Variants in EPHA6 observed in about 807,000 individuals in gnomAD.
EPHA6 encodes the protein ephrin type-A receptor 6.
A neutral mutation model predicts 112.0 loss-of-function variants in EPHA6; 50 were observed. The ratio of observed to expected loss-of-function variants is 0.45; its 90% confidence interval spans 0.36 to 0.56. The LOEUF (loss-of-function observed/expected upper bound fraction) is 0.56, where lower values mean the gene tolerates loss of function less well. EPHA6 is among the 20% of genes least tolerant of loss of function. The pLI is 0.00. For missense variants in EPHA6, 1,280 were observed against 1,417.4 expected (o/e 0.90, Z 1.56); for synonymous variants, 529 against 490.7 (o/e 1.08, Z -1.03).
In EPHA6 at chr3:97,754,991, C is replaced by T. The variant is rs1355689755; in HGVS notation, c.*6290C>T. On this transcript the variant is annotated 3_prime_UTR_variant, in exon 18 of 18. Transcript: ENST00000389672. ...GTGGTGGGATTACAGGCGTGAGCCA[C>T]CGCGCCCGGCCACAAAGTTTTCTTT... Among the ~76,000 whole-genome samples, 4 of 152,258 alleles carry T rather than the reference C, an allele frequency of 2.6e-5. No individual in the cohort carries two copies. Among genetic ancestry groups the T allele is most frequent in the African/African-American group, 9.6e-5 (4 of 41,468 alleles).
At chr3:96,936,476 C>T (rs2107670809) in intron 2 of EPHA6, among the ~76,000 whole-genome samples, 1 of 151,660 alleles carries the variant, frequency 6.6e-6, no homozygotes. Context: ...ACTTTTCAAG[C>T]TCTTTTGTGT....
intron 7 of EPHA6, 39 bp from the exon 8 acceptor site, chr3:97,475,313 G>A: frequency 6.9e-7 from 1 of 1,442,684 alleles, no homozygotes; most frequent in Middle Eastern, 1.8e-4. Context: ...ATAGTGAAAT[G>A]TCACCCAGGG....
chr3:97,532,466 A>G lies in EPHA6; in HGVS notation c.2309A>G (p.Asp770Gly). 1 of 1,612,462 alleles carries G rather than the reference A, an allele frequency of 6.2e-7. No individual in the cohort carries two copies. The highest frequency in any genetic ancestry group is 8.5e-7 in the Non-Finnish European group (1 of 1,178,924). ...KGGHMDRQRRDFLREASIMGQ... is the reference protein window; with the variant it reads ...KGGHMDRQRRGFLREASIMGQ... ...GGCCACATGGATCGGCAAAGAAGAG[A>G]TTTTCTAAGAGAAGCTAGTATCATG... Residue 770 changes from aspartate to glycine, a missense_variant, in exon 11 of 18, where the codon GAT becomes GGT. Asp to Gly is a moderately conservative substitution (Grantham distance 94, BLOSUM62 -1). Coordinates refer to ENST00000389672, the MANE Select transcript of EPHA6 (RefSeq NM_001080448.3).
chr3:97,710,985 T>C (rs1456105074), intron 14 of EPHA6, among the ~76,000 whole-genome samples: 1 of 152,204 alleles, frequency 6.6e-6, no homozygotes, highest in Non-Finnish European at 1.5e-5. Flanking sequence ...CATCCAACCA[T>C]GGATAGAGAT....
rs138976841 is a variant in EPHA6 at position 97,203,660 on chromosome 3, GGGAGTCA to G, written c.1115-22590_1115-22584del. On this transcript the variant is annotated intron_variant, in intron 3 of 17. Transcript: ENST00000389672. Reference sequence around the variant, plus strand: ...GAGGGAAAAAACAAAAAAACAGTTTGGGAGTCAGGAGTCAGGAGTCTTGAACTCGGAA... The same window carrying G: ...GAGGGAAAAAACAAAAAAACAGTTTGGGAGTCAGGAGTCTTGAACTCGGAA... Among the ~76,000 whole-genome samples the G allele has an allele frequency of 5.7e-3, 866 of 152,136 alleles. 6 individuals are homozygous for G. The highest frequency in any genetic ancestry group is 0.02 in the African/African-American group (837 of 41,526).
At chr3:97,177,632 C>T (rs2076872948) in intron 3 of EPHA6, among the ~76,000 whole-genome samples, 2 of 151,288 alleles carry the variant, frequency 1.3e-5, no homozygotes, top group South Asian at 2.1e-4. Context: ...CTGTGTGCTC[C>T]AGTGTTTGGT....
intron 14 of EPHA6, among the ~76,000 whole-genome samples, chr3:97,641,850 G>A (rs1238950288): frequency 6.6e-6 from 1 of 151,978 alleles, no homozygotes; most frequent in Admixed American, 6.5e-5. Flanking sequence ...CAAGGCGGCA[G>A]CGAGGCTGGG....
At chr3:97,389,109 T>C (rs2086250628) in intron 5 of EPHA6, among the ~76,000 whole-genome samples, 1 of 152,170 alleles carries the variant, frequency 6.6e-6, no homozygotes, top group Non-Finnish European at 1.5e-5. Context: ...GACAAATTCA[T>C]ACAAATTAGT....
At chr3:97,724,363 AGACCTAAC>A (rs2034661287) in intron 15 of EPHA6, among the ~76,000 whole-genome samples, 2 of 152,190 alleles carry the variant, frequency 1.3e-5, no homozygotes, top group Non-Finnish European at 2.9e-5. Flanking sequence ...AGTCCATAAA[AGACCTAAC>A]AAAATATAAT....
chr3:97,421,585 TA>T (rs1437835791), intron 6 of EPHA6, among the ~76,000 whole-genome samples: 2 of 152,166 alleles, frequency 1.3e-5, no homozygotes, highest in African/African-American at 4.8e-5. Flanking sequence ...TAATGTCTAA[TA>T]AAAATTCTAG....
intron 5 of EPHA6, among the ~76,000 whole-genome samples, chr3:97,271,158 A>C (rs1433428174): frequency 6.6e-6 from 1 of 152,252 alleles, no homozygotes; most frequent in African/African-American, 2.4e-5. Flanking sequence ...TTACACCAGT[A>C]CACCAGGTGT....
intron 1 of EPHA6, among the ~76,000 whole-genome samples, chr3:96,839,336 G>T (rs1444691209): frequency 1.3e-5 from 2 of 152,024 alleles, no homozygotes; most frequent in Non-Finnish European, 2.9e-5. Context: ...ACACATGTGA[G>T]GGATCTAGGT....
At chr3:97,742,282 C>T (rs1446217438) in intron 16 of EPHA6, among the ~76,000 whole-genome samples, 1 of 152,100 alleles carries the variant, frequency 6.6e-6, no homozygotes, top group Non-Finnish European at 1.5e-5. Flanking sequence ...GACATGAGAC[C>T]TATTTTCTGA....
chr3:97,145,917 C>T (rs903224270), intron 3 of EPHA6, among the ~76,000 whole-genome samples: 4 of 151,264 alleles, frequency 2.6e-5, no homozygotes, highest in Admixed American at 2.6e-4. Flanking sequence ...ATCTAGTATT[C>T]ATATTTACCT....
chr3:97,022,788 C>G (rs930066766), intron 3 of EPHA6, among the ~76,000 whole-genome samples: 5 of 152,144 alleles, frequency 3.3e-5, no homozygotes, highest in Non-Finnish European at 7.3e-5. Flanking sequence ...AGAGGCTGGT[C>G]AAGATTCAAA....
rs886323939 is a variant in EPHA6, at chr3:97,112,939, G to A, written c.1115-113325G>A. Among the ~76,000 whole-genome samples, 9 of 152,060 alleles carry A rather than the reference G, an allele frequency of 5.9e-5. No homozygotes were observed. In the East Asian group the frequency reaches 1.8e-3, roughly 30 times the overall value. Reference sequence around the variant, plus strand: ...ACTCAGAATCATTGTTTTTCTATCAGGTCATGTTTGTGAACCTAAGAGTTC... The same window carrying A: ...ACTCAGAATCATTGTTTTTCTATCAAGTCATGTTTGTGAACCTAAGAGTTC... On this transcript the variant is annotated intron_variant, in intron 3 of 17. Transcript: ENST00000389672.
At chr3:96,984,059 C>T (rs774428549) in intron 2 of EPHA6, among the ~76,000 whole-genome samples, 23 of 152,290 alleles carry the variant, frequency 1.5e-4, no homozygotes, top group Admixed American at 2.6e-4. Flanking sequence ...AACTCGTCAA[C>T]GTCATTCTCC....
intron 3 of EPHA6, among the ~76,000 whole-genome samples, chr3:97,137,804 C>T (rs533137892): frequency 2.8e-4 from 43 of 152,092 alleles, no homozygotes; most frequent in African/African-American, 1.0e-3. Context: ...TGTAACAAAC[C>T]TGCACGTTGT....
At chr3:97,068,165 G>GA (rs75312712) in intron 3 of EPHA6, among the ~76,000 whole-genome samples, 784 of 69,598 alleles carry the variant, frequency 0.011, 9 homozygotes, top group South Asian at 0.089. Flanking sequence ...AAAAAAAAAA[G>GA]AAAAAAAAAA....
Sources: allele counts gnomAD v4.1 joint callset (sites outside exome capture counted in the v4.1 genomes callset), GRCh38; gene constraint gnomAD v4.1.1; transcripts MANE v1.5; gene names NCBI Gene and HGNC (gene_info 2026-07-23, HGNC 2026-07-21).